Variants in PGM5 observed in about 807,000 individuals in gnomAD.
PGM5 encodes phosphoglucomutase 5.
PGM5 carries 23 observed loss-of-function variants against 59.2 expected under a neutral mutation model. The observed-to-expected ratio is 0.39, with a 90% CI of 0.28 to 0.55. The LOEUF is 0.55. PGM5 is among the 20% of genes least tolerant of loss of function. The probability of loss-of-function intolerance (pLI) is 0.66; values close to 1 mark genes in which losing one functional copy is unlikely to be tolerated. For missense variants in PGM5, 574 were observed against 748.3 expected (o/e 0.77, Z 2.72); for synonymous variants, 214 against 286.0 (o/e 0.75, Z 2.54).
intron 6 of PGM5, chr9:68,404,927 C>A (rs375366): frequency 2.7e-5 from 4 of 145,614 alleles, no homozygotes; most frequent in Non-Finnish European, 3.1e-5. Flanking sequence ...GAACCGTGAT[C>A]CAGCAGCTCA....
intron 1 of PGM5, among the ~76,000 whole-genome samples, chr9:68,367,136 C>T (rs1554676768): frequency 1.3e-5 from 2 of 152,232 alleles, no homozygotes; most frequent in African/African-American, 2.4e-5. Flanking sequence ...CACTCTATCA[C>T]AGTACATGAG....
At chr9:68,379,426 C>T (rs555378860) in intron 2 of PGM5, among the ~76,000 whole-genome samples, 1 of 152,028 alleles carries the variant, frequency 6.6e-6, no homozygotes, top group Non-Finnish European at 1.5e-5. Flanking sequence ...TACACGTTAT[C>T]CAAACAAGAA....
chr9:68,359,928 T>C (rs1834546294), intron 1 of PGM5, among the ~76,000 whole-genome samples: 1 of 152,202 alleles, frequency 6.6e-6, no homozygotes, highest in South Asian at 2.1e-4. Context: ...ACTGTAGCCT[T>C]GACCTCCCCA....
intron 1 of PGM5, among the ~76,000 whole-genome samples, chr9:68,369,725 A>G (rs1319553336): frequency 6.6e-6 from 1 of 152,180 alleles, no homozygotes; most frequent in Non-Finnish European, 1.5e-5. Flanking sequence ...TATGAAATCC[A>G]TGGTGGTTTG....
chr9:68,493,566 T>C (rs1019660046), intron 9 of PGM5, among the ~76,000 whole-genome samples: 3 of 152,158 alleles, frequency 2.0e-5, no homozygotes, highest in African/African-American at 7.2e-5. Flanking sequence ...AAAAGAGAGA[T>C]TGGCAAGAAT....
intron 6 of PGM5, among the ~76,000 whole-genome samples, chr9:68,431,929 T>G (rs1309041143): frequency 6.6e-6 from 1 of 152,164 alleles, no homozygotes; most frequent in African/African-American, 2.4e-5. Context: ...CAATGCAGTG[T>G]CAAAACCTCA....
intron 9 of PGM5, among the ~76,000 whole-genome samples, chr9:68,486,013 A>T (rs1824289064): frequency 6.6e-6 from 1 of 152,202 alleles, no homozygotes; most frequent in African/African-American, 2.4e-5. Context: ...CCCTCTCAGG[A>T]TGTCAACATG....
At chr9:68,432,033 T>C (rs1823359214) in intron 6 of PGM5, among the ~76,000 whole-genome samples, 1 of 152,138 alleles carries the variant, frequency 6.6e-6, no homozygotes, top group Non-Finnish European at 1.5e-5. Flanking sequence ...ATGGGTCGTT[T>C]TATAATTCTT....
chr9:68,443,356 G>A (rs1220649968), intron 6 of PGM5, among the ~76,000 whole-genome samples: 2 of 152,164 alleles, frequency 1.3e-5, no homozygotes, highest in Non-Finnish European at 1.5e-5. Flanking sequence ...CCAGGGGCTA[G>A]GGGTGGAGGG....
At chr9:68,502,677 A>G (rs1824595965) in intron 10 of PGM5, among the ~76,000 whole-genome samples, 1 of 151,610 alleles carries the variant, frequency 6.6e-6, no homozygotes, top group Non-Finnish European at 1.5e-5. Flanking sequence ...GAATTTAAGT[A>G]TTTGTTTGTT....
chr9:68,412,435 A>G (rs557295588), intron 6 of PGM5, among the ~76,000 whole-genome samples: 3 of 152,362 alleles, frequency 2.0e-5, no homozygotes, highest in African/African-American at 7.2e-5. Flanking sequence ...TCACATGCTA[A>G]TATTTCCTAC....
chr9:68,369,091 A>T (rs2810260), intron 1 of PGM5, among the ~76,000 whole-genome samples: 1 of 144,112 alleles, frequency 6.9e-6, no homozygotes, highest in African/African-American at 2.6e-5. Context: ...CATTAAAATC[A>T]TGTTGTGGAA....
At chr9:68,505,910 C>A (rs551705419) in intron 10 of PGM5, among the ~76,000 whole-genome samples, 1 of 152,254 alleles carries the variant, frequency 6.6e-6, no homozygotes, top group Admixed American at 6.5e-5. Context: ...CCTCTGGCAG[C>A]CAGCCCTCCA....
At chr9:68,383,820 T>C (rs1384994643) in intron 2 of PGM5, among the ~76,000 whole-genome samples, 1 of 150,816 alleles carries the variant, frequency 6.6e-6, no homozygotes, top group South Asian at 2.1e-4. Flanking sequence ...TAAAGTCTAA[T>C]ACTACTTGTC....
chr9:68,465,826 C>T (rs1253775747), intron 7 of PGM5, among the ~76,000 whole-genome samples: 1 of 152,052 alleles, frequency 6.6e-6, no homozygotes, highest in African/African-American at 2.4e-5. Context: ...GTGTAAAGTA[C>T]CCCCCAGTCT....
At chr9:68,369,920 T>A (rs1834751630) in intron 1 of PGM5, among the ~76,000 whole-genome samples, 1 of 152,044 alleles carries the variant, frequency 6.6e-6, no homozygotes. Context: ...ATGCCTTGAG[T>A]TTGTTATTTC....
intron 6 of PGM5, among the ~76,000 whole-genome samples, chr9:68,442,265 G>A (rs1823539868): frequency 6.6e-6 from 1 of 152,078 alleles, no homozygotes; most frequent in Admixed American, 6.6e-5. Flanking sequence ...AAACAAGAAA[G>A]CTACAGGAAT....
rs1226381639 is a variant in PGM5 at position 68,414,585 on chromosome 9, T to C, written c.1043+22112T>C. On this transcript the variant is annotated intron_variant, in intron 6 of 10. Coordinates refer to ENST00000396396, the MANE Select transcript of PGM5 (RefSeq NM_021965.4). ...GGTGACCACACTGCTCTGGGCCAGA[T>C]ACTGTGCCCAGTACAGAGAGGAGGT... Among the ~76,000 whole-genome samples, 6 of 151,646 alleles carry C rather than the reference T, an allele frequency of 4.0e-5. No homozygotes were observed. In the South Asian group the frequency reaches 1.0e-3, roughly 26 times the overall value.
chr9:68,428,333 C>A lies in PGM5; in HGVS notation c.1043+35860C>A, dbSNP rs143944854. 7.9e-4 allele frequency among the ~76,000 whole-genome samples: 121 copies of A among 152,240 alleles called. 1 individual carries two copies. Among genetic ancestry groups the A allele is most frequent in the African/African-American group, 2.7e-3 (114 of 41,540 alleles). On this transcript the variant is annotated intron_variant, in intron 6 of 10. Coordinates refer to ENST00000396396, the MANE Select transcript of PGM5 (RefSeq NM_021965.4). ...AGACGGCTCTAGCACTGTTGTGTTGCATGGGATATTGGAGGCAATTTCATA... is the reference window on the plus strand; with the variant it reads ...AGACGGCTCTAGCACTGTTGTGTTGAATGGGATATTGGAGGCAATTTCATA...
Sources: gnomAD v4.1 joint callset for allele counts (sites outside exome capture counted in the v4.1 genomes callset) on GRCh38, gnomAD v4.1.1 for gene constraint, MANE v1.5 for transcripts, NCBI Gene and HGNC (gene_info 2026-07-23, HGNC 2026-07-21) for gene names.